The following KIAA1143 variants were observed in gnomAD, a reference collection of about 807,000 sequenced individuals.
KIAA1143 encodes the protein uncharacterized protein KIAA1143.
Under a neutral mutation model 17.0 loss-of-function variants are expected in KIAA1143, and 8 were observed. That is an observed-to-expected ratio of 0.47 (90% CI 0.28 to 0.85). The LOEUF (loss-of-function observed/expected upper bound fraction) is 0.85, where lower values mean the gene tolerates loss of function less well. Ranked by LOEUF, KIAA1143 falls within the 40% of genes least tolerant of loss-of-function variation. The pLI is 0.12. For missense variants in KIAA1143, 162 were observed against 183.3 expected (o/e 0.88, Z 0.67); for synonymous variants, 64 against 67.8 (o/e 0.94, Z 0.27).
At chr3:44,761,376 T>G in intron 1 of KIAA1143, 119 bp downstream of exon 1, 2 of 701,906 alleles carry the variant, frequency 2.8e-6, no homozygotes, top group Non-Finnish European at 2.4e-6. Flanking sequence ...TCCACCGGAA[T>G]TGGGTTCGAG....
rs1412273864 is a variant in KIAA1143 at position 44,748,784 on chromosome 3, T to C, written c.*4557A>G. The C allele has an allele frequency of 3.9e-5, 6 of 152,234 alleles. No homozygotes were observed. Among genetic ancestry groups the C allele is most frequent in the African/African-American group, 1.2e-4 (5 of 41,464 alleles). The allele number at this position is 152,234 out of a possible 1,614,324, so 9.4% of individuals were successfully genotyped here. ...TTTATTGTGCACTTAGTAGGCCAGA[T>C]ACTCTTCTGATATTTGAGAATACAG... On this transcript the variant is annotated 3_prime_UTR_variant, in exon 3 of 3. Transcript: ENST00000296121.
At chr3:44,759,257 C>T (rs115285008) in intron 1 of KIAA1143, among the ~76,000 whole-genome samples, 1,686 of 152,262 alleles carry the variant, frequency 0.011, 25 homozygotes, top group African/African-American at 0.037. Context: ...GAAAACCCCA[C>T]GTTAATCTCC....
intron 1 of KIAA1143, 131 bp from the exon 2 acceptor site, chr3:44,754,499 A>C (rs532616935): frequency 2.4e-6 from 2 of 850,024 alleles, no homozygotes; most frequent in African/African-American, 3.4e-5. Context: ...ATGAATTTTA[A>C]GGTAACTCCA....
chr3:44,755,794 C>T (rs1052149576), intron 1 of KIAA1143, among the ~76,000 whole-genome samples: 17 of 152,232 alleles, frequency 1.1e-4, no homozygotes, highest in African/African-American at 4.1e-4. Context: ...TGGGCAAGTG[C>T]CTTCTGGAGA....
intron 1 of KIAA1143, among the ~76,000 whole-genome samples, chr3:44,760,101 C>A (rs1191583691): frequency 6.6e-6 from 1 of 152,126 alleles, no homozygotes; most frequent in African/African-American, 2.4e-5. Context: ...TAGCTTCACA[C>A]TTTTCTTCTG....
chr3:44,760,293 C>A (rs1347735291), intron 1 of KIAA1143, among the ~76,000 whole-genome samples: 1 of 152,228 alleles, frequency 6.6e-6, no homozygotes, highest in Non-Finnish European at 1.5e-5. Flanking sequence ...AATACTGATC[C>A]CTCCGGCCCT....
At position 44,751,021 on chromosome 3, in the gene KIAA1143, G is replaced by A. The variant is rs1336581900; in HGVS notation, c.*2320C>T. On this transcript the variant is annotated 3_prime_UTR_variant, in exon 3 of 3. Transcript: ENST00000296121. ...TTTGTAATAGGGCACAATTGAAACC[G>A]GTTACTTTCTCAGGACTTTGACTGA... 4.1e-5 allele frequency: 6 copies of A among 145,096 alleles called. No individual in the cohort carries two copies. The highest frequency in any genetic ancestry group is 9.0e-5 in the Non-Finnish European group (6 of 66,350). 9.0% of individuals were successfully genotyped at this position (145,096 alleles called of 1,614,324 possible).
intron 1 of KIAA1143, among the ~76,000 whole-genome samples, chr3:44,755,235 G>A (rs931496274): frequency 2.6e-5 from 4 of 152,088 alleles, no homozygotes; most frequent in Admixed American, 2.0e-4. Context: ...AATTTTGCTC[G>A]TTTCCAGATT....
At position 44,757,235 on chromosome 3, in the gene KIAA1143, C is replaced by G. The variant is rs140102559; in HGVS notation, c.109-2867G>C. On this transcript the variant is annotated intron_variant, in intron 1 of 2. Coordinates refer to ENST00000296121, the MANE Select transcript of KIAA1143 (RefSeq NM_020696.4). ...TCAATCTATGTCCCTTTTCTCAAACCTTACCCTCTTTGTCATCATCCCTAT... is the reference window on the plus strand; with the variant it reads ...TCAATCTATGTCCCTTTTCTCAAACGTTACCCTCTTTGTCATCATCCCTAT... Among the ~76,000 whole-genome samples the G allele has an allele frequency of 1.6e-3, 238 of 152,262 alleles. 2 individuals carry two copies. The highest frequency in any genetic ancestry group is 3.4e-3 in the Middle Eastern group (1 of 294).
intron 1 of KIAA1143, 72 bp downstream of exon 1, chr3:44,761,423 C>T: frequency 1.6e-6 from 2 of 1,256,886 alleles, no homozygotes; most frequent in Admixed American, 1.9e-5. Context: ...CACCCACCCT[C>T]CAAGTAGAGG....
In KIAA1143 at chr3:44,753,211, T is replaced by C; in HGVS notation, c.*130A>G. 1 of 592,180 alleles carries C rather than the reference T, an allele frequency of 1.7e-6. No homozygotes were observed. Among genetic ancestry groups the C allele is most frequent in the Non-Finnish European group, 3.0e-6 (1 of 338,516 alleles). 36.7% of individuals were successfully genotyped at this position (592,180 alleles called of 1,614,324 possible). ...GGGGTATTGATGAATAGATGTAGTT[T>C]ATTAAATTTTTTTCTCTATTTCCTA... On this transcript the variant is annotated 3_prime_UTR_variant, in exon 3 of 3. Transcript: ENST00000296121.
At chr3:44,761,099 G>T (rs1705103523) in intron 1 of KIAA1143, among the ~76,000 whole-genome samples, 1 of 152,190 alleles carries the variant, frequency 6.6e-6, no homozygotes, top group South Asian at 2.1e-4. Context: ...GGTTGGGGCG[G>T]GGGTCATTTG....
At chr3:44,759,443 G>C (rs540053221) in intron 1 of KIAA1143, among the ~76,000 whole-genome samples, 1 of 152,150 alleles carries the variant, frequency 6.6e-6, no homozygotes, top group East Asian at 1.9e-4. Context: ...TCCATTTCTA[G>C]AGCACAGGCA....
chr3:44,754,610 G>A (rs1489794305), intron 1 of KIAA1143, among the ~76,000 whole-genome samples: 1 of 152,170 alleles, frequency 6.6e-6, no homozygotes, highest in Non-Finnish European at 1.5e-5. Context: ...GACCCAGCTT[G>A]TAGTTACTAG....
At chr3:44,761,189 G>A (rs1265399998) in intron 1 of KIAA1143, among the ~76,000 whole-genome samples, 1 of 152,048 alleles carries the variant, frequency 6.6e-6, no homozygotes. Context: ...CAGCTTTTGA[G>A]GTAAACAAGT....
chr3:44,752,609 C>CT lies in KIAA1143; in HGVS notation c.*731dup, dbSNP rs1166671655. 3.3e-5 allele frequency: 5 copies of CT among 151,910 alleles called. No homozygotes were observed. The East Asian group carries it at 7.8e-4, about 24-fold the overall frequency. 9.4% of individuals were successfully genotyped at this position (151,910 alleles called of 1,614,324 possible). A position where few individuals can be genotyped will look rare whatever the true frequency, so the allele number is the denominator to read the frequency against. The stretch of plus-strand genomic sequence containing the variant: ...AGGCATGTCAGCAAGGAGCCAAGCT[C>CT]TGAGTCTTTTTACTAACATGACCCA... On this transcript the variant is annotated 3_prime_UTR_variant, in exon 3 of 3. Coordinates refer to ENST00000296121, the MANE Select transcript of KIAA1143 (RefSeq NM_020696.4).
In KIAA1143 at chr3:44,761,512, G is replaced by T. The variant is rs143778944; in HGVS notation, c.91C>A (p.Pro31Thr). The change falls in exon 1 of 3, where the codon CCC becomes ACC. Residue 31 changes from proline to threonine, a missense_variant. By Grantham distance (38) the Pro-to-Thr change is conservative (BLOSUM62 -1). Coordinates refer to ENST00000296121, the MANE Select transcript of KIAA1143 (RefSeq NM_020696.4). ...FKERVGYREG[P>T]TVETKRIQPQ... ...AGGCTCACCTTAGTCTCTACGGTGG[G>T]TCCCTCCCTGTAGCCGACCCGTTCC... is the stretch of plus-strand genomic sequence containing the variant. 5.8e-4 allele frequency: 940 copies of T among 1,613,744 alleles called. No homozygotes were observed. Among genetic ancestry groups the T allele is most frequent in the Non-Finnish European group, 7.5e-4 (885 of 1,179,706 alleles).
intron 1 of KIAA1143, among the ~76,000 whole-genome samples, chr3:44,758,457 C>G (rs1349681562): frequency 3.9e-5 from 6 of 152,174 alleles, no homozygotes; most frequent in African/African-American, 1.4e-4. Flanking sequence ...ATTGACATTT[C>G]AACAATGTTC....
chr3:44,751,480 G>T lies in KIAA1143; in HGVS notation c.*1861C>A, dbSNP rs1436301352. 1 of 152,176 alleles carries T rather than the reference G, an allele frequency of 6.6e-6. No individual in the cohort carries two copies. The highest frequency in any genetic ancestry group is 1.5e-5 in the Non-Finnish European group (1 of 68,044). The allele number at this position is 152,176 out of a possible 1,614,324, so 9.4% of individuals were successfully genotyped here. A position where few individuals can be genotyped will look rare whatever the true frequency, so the allele number is the denominator to read the frequency against. ...GTGGTCGCTTTGCAAAATCGAAGGG[G>T]ACTAGATCTCCTAACTGCTGAAACA... On this transcript the variant is annotated 3_prime_UTR_variant, in exon 3 of 3. Transcript: ENST00000296121.
Sources: gnomAD v4.1 joint callset for allele counts (sites outside exome capture counted in the v4.1 genomes callset) on GRCh38, gnomAD v4.1.1 for gene constraint, MANE v1.5 for transcripts, NCBI Gene and HGNC (gene_info 2026-07-23, HGNC 2026-07-21) for gene names.